Variants in LSAMP observed in about 807,000 individuals in gnomAD.
LSAMP encodes the protein limbic system-associated membrane protein.
LSAMP carries 7 observed loss-of-function variants against 38.6 expected under a neutral mutation model. The ratio of observed to expected loss-of-function variants is 0.18; its 90% CI spans 0.10 to 0.34. The LOEUF (loss-of-function observed/expected upper bound fraction) is 0.34. Ranked by LOEUF, LSAMP falls within the 10% of genes least tolerant of loss-of-function variation. The pLI is 1.00. For missense variants in LSAMP, 313 were observed against 420.0 expected (o/e 0.75, Z 2.23); for synonymous variants, 154 against 166.8 (o/e 0.92, Z 0.59).
intron 3 of LSAMP, among the ~76,000 whole-genome samples, chr3:115,882,513 T>C (rs1186860461): frequency 6.6e-6 from 1 of 152,132 alleles, no homozygotes; most frequent in Non-Finnish European, 1.5e-5. Context: ...ATTTTTGATA[T>C]ACCTTACTTT....
chr3:115,878,671 C>T (rs994622208), intron 3 of LSAMP, among the ~76,000 whole-genome samples: 5 of 151,480 alleles, frequency 3.3e-5, no homozygotes, highest in Admixed American at 6.6e-5. Context: ...CATGTTGGCC[C>T]GGCTGCTCTA....
intron 3 of LSAMP, among the ~76,000 whole-genome samples, chr3:115,859,959 G>A (rs149459501): frequency 6.6e-6 from 1 of 152,266 alleles, no homozygotes; most frequent in Non-Finnish European, 1.5e-5. Flanking sequence ...CTTGAAGTCA[G>A]AATCCCCTAT....
intron 3 of LSAMP, among the ~76,000 whole-genome samples, chr3:115,899,313 C>T (rs1936810332): frequency 6.6e-6 from 1 of 152,054 alleles, no homozygotes. Context: ...TTCTTTAACA[C>T]CTGTTTGTTT....
intron 2 of LSAMP, among the ~76,000 whole-genome samples, chr3:116,070,989 G>A (rs1486144826): frequency 5.9e-5 from 9 of 151,468 alleles, no homozygotes; most frequent in Admixed American, 6.6e-5. Context: ...GCAGTGAGCC[G>A]AGATTGCACC....
At chr3:116,077,510 T>C (rs776275566) in intron 2 of LSAMP, among the ~76,000 whole-genome samples, 1 of 152,178 alleles carries the variant, frequency 6.6e-6, no homozygotes, top group African/African-American at 2.4e-5. Flanking sequence ...AAAAACCTGC[T>C]TAATTATGCT....
intron 2 of LSAMP, among the ~76,000 whole-genome samples, chr3:116,077,498 GA>G (rs1164375924): frequency 1.1e-4 from 17 of 151,574 alleles, no homozygotes; most frequent in African/African-American, 3.9e-4. Flanking sequence ...GATTATGCTT[GA>G]AAAAACCTGC....
chr3:115,833,221 A>C (rs184269791), intron 6 of LSAMP, among the ~76,000 whole-genome samples: 4 of 152,268 alleles, frequency 2.6e-5, no homozygotes, highest in Admixed American at 2.6e-4. Flanking sequence ...TGTTAAAATA[A>C]TTGTGGTATG....
At chr3:115,971,787 C>T (rs2107612261) in intron 3 of LSAMP, among the ~76,000 whole-genome samples, 1 of 152,174 alleles carries the variant, frequency 6.6e-6, no homozygotes, top group Non-Finnish European at 1.5e-5. Context: ...GGGAATGTTT[C>T]ACATCAGTAG....
intron 3 of LSAMP, among the ~76,000 whole-genome samples, chr3:115,964,396 A>G (rs1938729974): frequency 6.6e-6 from 1 of 152,160 alleles, no homozygotes; most frequent in Non-Finnish European, 1.5e-5. Context: ...AGTCATATAT[A>G]CAGAAGTACA....
chr3:116,379,087 G>T (rs183368049), intron 1 of LSAMP, among the ~76,000 whole-genome samples: 1 of 151,364 alleles, frequency 6.6e-6, no homozygotes, highest in African/African-American at 2.4e-5. Context: ...GAGTCTACGG[G>T]CATTCTGAAT....
intron 1 of LSAMP, among the ~76,000 whole-genome samples, chr3:116,221,213 A>G (rs1400441276): frequency 6.6e-6 from 1 of 151,182 alleles, no homozygotes; most frequent in African/African-American, 2.4e-5. Flanking sequence ...TTTATTTAAA[A>G]TATACAAACT....
intron 1 of LSAMP, among the ~76,000 whole-genome samples, chr3:116,219,744 A>C (rs748489113): frequency 6.6e-5 from 10 of 152,242 alleles, no homozygotes; most frequent in Admixed American, 5.9e-4. Flanking sequence ...TATCCAAAAT[A>C]TATAAGAAAC....
At chr3:116,324,008 A>G (rs2047739358) in intron 1 of LSAMP, among the ~76,000 whole-genome samples, 1 of 152,206 alleles carries the variant, frequency 6.6e-6, no homozygotes, top group Non-Finnish European at 1.5e-5. Context: ...TTCAACCAAA[A>G]GAAACTATTT....
At chr3:116,389,101 G>T (rs561970837) in intron 1 of LSAMP, among the ~76,000 whole-genome samples, 2 of 152,252 alleles carry the variant, frequency 1.3e-5, no homozygotes, top group East Asian at 3.9e-4. Context: ...TGGGAAAAAG[G>T]TTTTTAGCAG....
At chr3:115,982,722 T>G (rs1295296843) in intron 3 of LSAMP, among the ~76,000 whole-genome samples, 2 of 152,158 alleles carry the variant, frequency 1.3e-5, no homozygotes. Flanking sequence ...CCAGTAGTGC[T>G]GATTGTATTT....
intron 1 of LSAMP, among the ~76,000 whole-genome samples, chr3:116,182,409 G>A (rs1469029796): frequency 1.3e-5 from 2 of 151,064 alleles, no homozygotes; most frequent in Non-Finnish European, 3.0e-5. Flanking sequence ...ATACAAGATG[G>A]TGAACAAAAT....
chr3:115,919,829 C>T (rs1576219088), intron 3 of LSAMP, among the ~76,000 whole-genome samples: 2 of 152,258 alleles, frequency 1.3e-5, no homozygotes, highest in South Asian at 4.1e-4. Flanking sequence ...CCAGGCTGCT[C>T]TCAAACGCCT....
At chr3:116,211,542 T>C (rs1442718670) in intron 1 of LSAMP, among the ~76,000 whole-genome samples, 2 of 152,210 alleles carry the variant, frequency 1.3e-5, no homozygotes, top group East Asian at 3.8e-4. Context: ...GTTTGTACTC[T>C]GTAAATACAG....
At chr3:116,168,809 C>T (rs1415916787) in intron 1 of LSAMP, among the ~76,000 whole-genome samples, 1 of 152,084 alleles carries the variant, frequency 6.6e-6, no homozygotes, top group African/African-American at 2.4e-5. Context: ...AATTTAATTC[C>T]CCCAAAGCAC....
Sources: allele counts gnomAD v4.1 joint callset (sites outside exome capture counted in the v4.1 genomes callset), GRCh38; gene constraint gnomAD v4.1.1; transcripts MANE v1.5; gene names NCBI Gene and HGNC (gene_info 2026-07-23, HGNC 2026-07-21).